Variants in AFF2 observed in about 807,000 individuals in gnomAD.
AFF2 encodes the protein AF4/FMR2 family member 2.
A neutral mutation model predicts 76.9 loss-of-function variants in AFF2; 14 were observed. The observed-to-expected ratio is 0.18, with a 90% CI of 0.12 to 0.28. The LOEUF (loss-of-function observed/expected upper bound fraction) is 0.28, where lower values mean the gene tolerates loss of function less well. Among genes scored for constraint, AFF2 ranks in the 10% least tolerant of loss-of-function variants. AFF2 has a pLI of 1.00. For missense variants in AFF2, 868 were observed against 1,001.1 expected, an observed-to-expected ratio of 0.87 and a Z score of 1.79; for synonymous variants, 398 against 366.7, an observed-to-expected ratio of 1.09 and a Z score of -0.98.
At chrX:148,877,346 G>A (rs1297432925) in intron 7 of AFF2, among the ~76,000 whole-genome samples, 1 of 111,690 alleles carries the variant, frequency 9.0e-6, no homozygotes, top group African/African-American at 3.3e-5. Context: ...GCCCAAGAAG[G>A]TCTATCCAGC....
At chrX:148,848,925 C>A (rs1362257808) in intron 7 of AFF2, among the ~76,000 whole-genome samples, 1 of 111,404 alleles carries the variant, frequency 9.0e-6, no homozygotes, top group Non-Finnish European at 1.9e-5. Context: ...GGGGCAGCCA[C>A]CTGGGAGCAG....
chrX:148,986,032 G>A lies in AFF2; in HGVS notation c.3624-1335G>A, dbSNP rs1164992388. 1.2e-4 allele frequency among the ~76,000 whole-genome samples: 12 copies of A among 101,585 alleles called. No homozygotes were observed. In the Admixed American group the frequency reaches 1.2e-3, roughly 10 times the overall value. The allele number at this position is 101,585 out of a possible 115,157, so 88.2% of individuals were successfully genotyped here. A position where few individuals can be genotyped will look rare whatever the true frequency, so the allele number is the denominator to read the frequency against. On this transcript the variant is annotated intron_variant, in intron 19 of 20. Transcript: ENST00000370460. ...TTTCCCCAAATCATCTGTATGTGCTGCCCGTCAGGGTGCACATCTGTTCTG... is the reference window on the plus strand; with the variant it reads ...TTTCCCCAAATCATCTGTATGTGCTACCCGTCAGGGTGCACATCTGTTCTG...
chrX:148,519,906 C>T (rs1478586116), intron 1 of AFF2, among the ~76,000 whole-genome samples: 3 of 112,294 alleles, frequency 2.7e-5, no homozygotes, highest in Admixed American at 9.4e-5. Context: ...CATATTATGA[C>T]ATTTTGTTTT....
chrX:148,606,131 A>G (rs2053670507), intron 1 of AFF2, among the ~76,000 whole-genome samples: 1 of 112,296 alleles, frequency 8.9e-6, no homozygotes, highest in Admixed American at 9.4e-5. Flanking sequence ...TCATGATAAA[A>G]CCTAGGATAC....
At chrX:148,522,226 C>A (rs1446247274) in intron 1 of AFF2, among the ~76,000 whole-genome samples, 7 of 112,632 alleles carry the variant, frequency 6.2e-5, no homozygotes, top group Non-Finnish European at 1.1e-4. Flanking sequence ...GTCTTCACTT[C>A]TTCTCCAAGG....
intron 3 of AFF2, among the ~76,000 whole-genome samples, chrX:148,664,003 C>T (rs1044366874): frequency 1.8e-5 from 2 of 111,707 alleles, no homozygotes; most frequent in Non-Finnish European, 1.9e-5. Flanking sequence ...GTCAAGCTTC[C>T]TCTTAAGTAT....
chrX:148,596,959 C>T (rs2053578887), intron 1 of AFF2, among the ~76,000 whole-genome samples: 2 of 111,813 alleles, frequency 1.8e-5, no homozygotes, highest in South Asian at 7.4e-4. Context: ...CATGTTAACA[C>T]TTCCTGTCTG....
Position 148,997,568 on chromosome X carries a change from G to T in AFF2, c.*6236G>T, listed in dbSNP as rs1557293507. On this transcript the variant is annotated 3_prime_UTR_variant, in exon 21 of 21. Coordinates refer to ENST00000370460, the MANE Select transcript of AFF2 (RefSeq NM_002025.4). ...ATCCATGTCTTACTCGCTCTTTCTG[G>T]CCCTTCTGTCTTTTGCCTCTGCAAT... 2 of 112,156 alleles carry T rather than the reference G, an allele frequency of 1.8e-5. No individual in the cohort carries two copies. 9.2% of individuals were successfully genotyped at this position (112,156 alleles called of 1,213,427 possible). A position where few individuals can be genotyped will look rare whatever the true frequency, so the allele number is the denominator to read the frequency against.
intron 3 of AFF2, among the ~76,000 whole-genome samples, chrX:148,664,822 A>G (rs1488637505): frequency 2.0e-4 from 22 of 112,476 alleles, no homozygotes. Flanking sequence ...TTGCTAGGAA[A>G]TCCATCATGA....
intron 4 of AFF2, among the ~76,000 whole-genome samples, chrX:148,820,764 C>T (rs1470969172): frequency 9.0e-6 from 1 of 111,280 alleles, no homozygotes; most frequent in Non-Finnish European, 1.9e-5. Context: ...GCAATTTACT[C>T]ATGTAACAAA....
chrX:148,877,635 C>G (rs1206486250), intron 7 of AFF2, among the ~76,000 whole-genome samples: 1 of 112,378 alleles, frequency 8.9e-6, no homozygotes, highest in Admixed American at 9.4e-5. Context: ...GGTAGACAGG[C>G]CTTCTTGACA....
chrX:148,618,496 A>T (rs781900838), intron 1 of AFF2, among the ~76,000 whole-genome samples: 1 of 111,495 alleles, frequency 9.0e-6, no homozygotes, highest in East Asian at 2.9e-4. Context: ...CCCATGATTC[A>T]ATTATCTCCA....
At chrX:148,739,866 T>A (rs1194243556) in intron 3 of AFF2, among the ~76,000 whole-genome samples, 1 of 111,683 alleles carries the variant, frequency 9.0e-6, no homozygotes, top group Non-Finnish European at 1.9e-5. Flanking sequence ...CTCTCAGCAT[T>A]TGTTTGTCTG....
intron 1 of AFF2, among the ~76,000 whole-genome samples, chrX:148,534,677 G>A (rs1390173529): frequency 8.9e-6 from 1 of 112,470 alleles, no homozygotes; most frequent in African/African-American, 3.2e-5. Flanking sequence ...AAGGTTAGAT[G>A]TTACTACTGG....
rs190964153 is a variant in AFF2 at position 148,873,028 on chromosome X, G to A, written c.1263-12861G>A. On this transcript the variant is annotated intron_variant, in intron 7 of 20. Coordinates refer to ENST00000370460, the MANE Select transcript of AFF2 (RefSeq NM_002025.4). ...ATTCAGATCCTTCAGCCCTCACATC[G>A]TATTAGAGCAACTCATCTAAATTGG... 1.6e-3 allele frequency among the ~76,000 whole-genome samples: 182 copies of A among 111,467 alleles called. 1 individual carries two copies. The highest frequency in any genetic ancestry group is 1.9e-3 in the Non-Finnish European group (103 of 53,031).
At chrX:148,780,824 G>C (rs1035256183) in intron 3 of AFF2, among the ~76,000 whole-genome samples, 10 of 111,793 alleles carry the variant, frequency 8.9e-5, no homozygotes, top group African/African-American at 3.3e-4. Context: ...TGGAAGAGAA[G>C]AGGCATTCTG....
intron 4 of AFF2, among the ~76,000 whole-genome samples, chrX:148,820,820 T>G (rs1332955796): frequency 1.8e-5 from 2 of 111,741 alleles, no homozygotes; most frequent in African/African-American, 3.3e-5. Context: ...AAAAAACAAT[T>G]TAAGAGTTAT....
chrX:148,854,811 T>C (rs1029780541), intron 7 of AFF2, among the ~76,000 whole-genome samples: 6 of 111,876 alleles, frequency 5.4e-5, no homozygotes. Flanking sequence ...CATCACGGTG[T>C]GTCTGGCTTT....
intron 3 of AFF2, among the ~76,000 whole-genome samples, chrX:148,725,186 G>A (rs961396391): frequency 2.7e-5 from 3 of 110,897 alleles, no homozygotes; most frequent in East Asian, 2.9e-4. Context: ...GGCAGTGTGA[G>A]GAATGGAAAA....
Sources: allele counts gnomAD v4.1 joint callset (sites outside exome capture counted in the v4.1 genomes callset), GRCh38; gene constraint gnomAD v4.1.1; transcripts MANE v1.5; gene names NCBI Gene and HGNC (gene_info 2026-07-23, HGNC 2026-07-21).